Variants in ADAM12 observed in about 807,000 individuals in gnomAD.
The protein encoded by ADAM12 is ADAM metallopeptidase domain 12.
ADAM12 carries 70 observed loss-of-function variants against 106.4 expected under a neutral mutation model. The ratio of observed to expected loss-of-function variants is 0.66; its 90% CI spans 0.54 to 0.80. The LOEUF is 0.80. Among genes scored for constraint, ADAM12 ranks in the 30% least tolerant of loss-of-function variants. ADAM12 has a pLI of 0.00. For synonymous variants in ADAM12, 420 were observed against 433.5 expected (o/e 0.97, Z 0.39); for missense variants, 1,010 against 1,171.9 (o/e 0.86, Z 2.02).
At chr10:126,143,618 T>A (rs1956567418) in intron 4 of ADAM12, among the ~76,000 whole-genome samples, 1 of 131,968 alleles carries the variant, frequency 7.6e-6, no homozygotes, top group Non-Finnish European at 1.7e-5. Flanking sequence ...TATATGGGGG[T>A]GCGTGGGTGT....
intron 5 of ADAM12, among the ~76,000 whole-genome samples, chr10:126,123,467 G>C (rs946824597): frequency 6.6e-6 from 1 of 152,184 alleles, no homozygotes; most frequent in African/African-American, 2.4e-5. Flanking sequence ...CCCTTCTCTA[G>C]AGCGACAGGA....
intron 1 of ADAM12, among the ~76,000 whole-genome samples, chr10:126,378,121 A>C (rs1856358620): frequency 6.6e-6 from 1 of 152,224 alleles, no homozygotes; most frequent in African/African-American, 2.4e-5. Context: ...TTTAACATCC[A>C]GCTTGGCAAC....
chr10:126,156,993 C>G (rs1434341051), intron 3 of ADAM12, among the ~76,000 whole-genome samples: 1 of 150,934 alleles, frequency 6.6e-6, no homozygotes, highest in Non-Finnish European at 1.5e-5. Context: ...GGAAGACACT[C>G]TCCACTCTTC....
intron 2 of ADAM12, among the ~76,000 whole-genome samples, chr10:126,329,162 C>A (rs556933567): frequency 1.3e-5 from 2 of 151,776 alleles, no homozygotes; most frequent in Non-Finnish European, 1.5e-5. Context: ...AAATATTGCA[C>A]GAGACATATT....
At chr10:126,255,311 T>G (rs1348827232) in intron 3 of ADAM12, among the ~76,000 whole-genome samples, 2 of 152,272 alleles carry the variant, frequency 1.3e-5, no homozygotes, top group South Asian at 2.1e-4. Flanking sequence ...CTTTGGGAAG[T>G]AAGAAACTGC....
Position 126,014,596 on chromosome 10 carries a change from G to A in ADAM12, c.*2683C>T, listed in dbSNP as rs898325463. On this transcript the variant is annotated 3_prime_UTR_variant, in exon 23 of 23. Transcript: ENST00000448723. ...GAGAATGTTAGGCTTCGTTTCCCTC[G>A]GTTGCTACACATCTGATTACATGTG... 1.3e-5 allele frequency: 2 copies of A among 151,858 alleles called. No homozygotes were observed. The highest frequency in any genetic ancestry group is 2.9e-5 in the Non-Finnish European group (2 of 67,974). 9.4% of individuals were successfully genotyped at this position (151,858 alleles called of 1,614,324 possible).
chr10:126,233,149 A>C (rs1445103995), intron 3 of ADAM12, among the ~76,000 whole-genome samples: 1 of 152,132 alleles, frequency 6.6e-6, no homozygotes, highest in Non-Finnish European at 1.5e-5. Flanking sequence ...GAGTTCAAGG[A>C]TGGGTCCCCA....
chr10:126,107,227 C>T (rs893209435), intron 8 of ADAM12, among the ~76,000 whole-genome samples: 1 of 152,146 alleles, frequency 6.6e-6, no homozygotes, highest in Admixed American at 6.5e-5. Context: ...CTTTGAGGAT[C>T]CTCTCCCTGC....
chr10:126,343,792 T>C (rs1855028517), intron 1 of ADAM12, among the ~76,000 whole-genome samples: 1 of 152,226 alleles, frequency 6.6e-6, no homozygotes. Context: ...ATGAGGAGCA[T>C]TTTTTCATGT....
rs561023848 is a variant in ADAM12 at position 126,342,893 on chromosome 10, G to A, written c.89-12384C>T. Among the ~76,000 whole-genome samples, 11 of 151,462 alleles carry A rather than the reference G, an allele frequency of 7.3e-5. No homozygotes were observed. The East Asian group carries it at 9.8e-4, about 13-fold the overall frequency. On this transcript the variant is annotated intron_variant, in intron 1 of 22. Coordinates refer to ENST00000448723, the MANE Select transcript of ADAM12 (RefSeq NM_001288973.2). ...CACCATAAATCAACAAGGTGAATCC[G>A]CTGATGAGGGCTGGAGGGAGGGTGG...
At chr10:126,173,332 G>A (rs966270734) in intron 3 of ADAM12, among the ~76,000 whole-genome samples, 1 of 152,212 alleles carries the variant, frequency 6.6e-6, no homozygotes, top group African/African-American at 2.4e-5. Context: ...AGAAAGGGGA[G>A]AACCACAGAA....
intron 11 of ADAM12, among the ~76,000 whole-genome samples, chr10:126,091,976 C>T: frequency 6.6e-6 from 1 of 152,106 alleles, no homozygotes; most frequent in East Asian, 1.9e-4. Flanking sequence ...TGGATGAAGA[C>T]TGACTCACTC....
At chr10:126,105,482 C>T (rs1403456576) in intron 8 of ADAM12, among the ~76,000 whole-genome samples, 1 of 152,160 alleles carries the variant, frequency 6.6e-6, no homozygotes, top group African/African-American at 2.4e-5. Flanking sequence ...GTGGCACCTG[C>T]GCTCCCAGCT....
chr10:126,379,127 G>A (rs959882718), intron 1 of ADAM12, among the ~76,000 whole-genome samples: 14 of 152,198 alleles, frequency 9.2e-5, no homozygotes, highest in African/African-American at 3.4e-4. Flanking sequence ...GTGGAAGACA[G>A]TGTGGTGATT....
rs1953647500 is a variant in ADAM12, at chr10:126,015,548, AGCTGGG to A, written c.*1725_*1730del. On this transcript the variant is annotated 3_prime_UTR_variant, in exon 23 of 23. Coordinates refer to ENST00000448723, the MANE Select transcript of ADAM12 (RefSeq NM_001288973.2). ...TGCTATACGAGTTGGAATGTATTAG[AGCTGGG>A]TTCCCTTTTGTGTGTGTTTGTGTCA... is the stretch of plus-strand genomic sequence containing the variant. 6.6e-6 allele frequency: 1 copy of A among 152,226 alleles called. No homozygotes were observed. The highest frequency in any genetic ancestry group is 6.5e-5 in the Admixed American group (1 of 15,280). The allele number at this position is 152,226 out of a possible 1,614,324, so 9.4% of individuals were successfully genotyped here. A position where few individuals can be genotyped will look rare whatever the true frequency, so the allele number is the denominator to read the frequency against.
intron 2 of ADAM12, among the ~76,000 whole-genome samples, chr10:126,314,943 G>C (rs149703882): frequency 3.8e-4 from 58 of 152,290 alleles, no homozygotes; most frequent in African/African-American, 1.3e-3. Context: ...GACTGCCCCA[G>C]TTTGTACAGA....
intron 3 of ADAM12, among the ~76,000 whole-genome samples, chr10:126,178,033 A>G (rs1270693181): frequency 6.6e-6 from 1 of 152,224 alleles, no homozygotes; most frequent in African/African-American, 2.4e-5. Context: ...GGAATTTTTT[A>G]AAACAGTAAC....
chr10:126,311,461 T>G (rs2133817143), intron 2 of ADAM12, among the ~76,000 whole-genome samples: 1 of 152,208 alleles, frequency 6.6e-6, no homozygotes, highest in African/African-American at 2.4e-5. Context: ...GGAACAGAAC[T>G]TCTAAAACCC....
chr10:126,300,651 CA>C (rs1960580104), intron 2 of ADAM12, among the ~76,000 whole-genome samples: 1 of 152,156 alleles, frequency 6.6e-6, no homozygotes, highest in Admixed American at 6.5e-5. Context: ...TTATTTACCA[CA>C]GAGCTTATTA....
Sources: gnomAD v4.1 joint callset for allele counts (sites outside exome capture counted in the v4.1 genomes callset) on GRCh38, gnomAD v4.1.1 for gene constraint, MANE v1.5 for transcripts, NCBI Gene and HGNC (gene_info 2026-07-23, HGNC 2026-07-21) for gene names.